The following VWA8 variants were observed in gnomAD, a reference collection of about 807,000 sequenced individuals.
VWA8 encodes von Willebrand factor A domain-containing protein 8.
A neutral mutation model predicts 241.5 loss-of-function variants in VWA8; 221 were observed. That is an observed-to-expected ratio of 0.91 (90% CI 0.82 to 1.02). The LOEUF (loss-of-function observed/expected upper bound fraction) is 1.02, where lower values mean the gene tolerates loss of function less well. VWA8 is among the 50% of genes least tolerant of loss of function. The pLI is 0.00. For synonymous variants in VWA8, 852 were observed against 827.1 expected (o/e 1.03, Z -0.52); for missense variants, 2,322 against 2,328.7 (o/e 1.00, Z 0.06).
At chr13:41,701,612 A>C in intron 27 of VWA8, 82 bp from the exon 28 acceptor site, 5 of 1,314,750 alleles carry the variant, frequency 3.8e-6, no homozygotes, top group Middle Eastern at 2.5e-4. Context: ...CAAAATATAA[A>C]CTTTAACATT....
At chr13:41,735,471 G>A (rs1209898395) in intron 21 of VWA8, among the ~76,000 whole-genome samples, 1 of 152,172 alleles carries the variant, frequency 6.6e-6, no homozygotes, top group African/African-American at 2.4e-5. Flanking sequence ...GCACAAATCA[G>A]ATGATTTCCA....
At chr13:41,659,705 A>G (rs2044935584) in intron 37 of VWA8, among the ~76,000 whole-genome samples, 1 of 152,218 alleles carries the variant, frequency 6.6e-6, no homozygotes, top group Non-Finnish European at 1.5e-5. Context: ...AAATACAGAA[A>G]TACTTAAGTA....
chr13:41,690,672 A>T (rs2045170551), intron 32 of VWA8, among the ~76,000 whole-genome samples: 1 of 152,124 alleles, frequency 6.6e-6, no homozygotes, highest in Admixed American at 6.6e-5. Flanking sequence ...AGTCTCCTTG[A>T]TCTACTTATT....
chr13:41,633,707 A>G (rs890874179), intron 37 of VWA8, among the ~76,000 whole-genome samples: 1 of 152,206 alleles, frequency 6.6e-6, no homozygotes, highest in African/African-American at 2.4e-5. Context: ...TACATTATAT[A>G]TCACTGATAC....
intron 34 of VWA8, among the ~76,000 whole-genome samples, chr13:41,685,482 C>T (rs970607360): frequency 1.4e-4 from 21 of 152,060 alleles, no homozygotes; most frequent in African/African-American, 4.3e-4. Context: ...ATAGTGAAAC[C>T]CCGTCCCTAT....
chr13:41,868,287 G>T, intron 10 of VWA8, 59 bp downstream of exon 10: 2 of 1,596,420 alleles, frequency 1.3e-6, no homozygotes, highest in Non-Finnish European at 1.7e-6. Flanking sequence ...CCCAATTTAG[G>T]TCATAAAAAC....
intron 37 of VWA8, among the ~76,000 whole-genome samples, chr13:41,647,794 A>G (rs1450122408): frequency 6.6e-6 from 1 of 152,174 alleles, no homozygotes; most frequent in Non-Finnish European, 1.5e-5. Flanking sequence ...GTTTGAGACC[A>G]GATTGGCCAA....
At chr13:41,926,862 G>T (rs1455918713) in intron 2 of VWA8, 7 of 577,482 alleles carry the variant, frequency 1.2e-5, no homozygotes, top group Admixed American at 9.5e-5. Context: ...TGATATCTGT[G>T]TGGCAAAAGC....
chr13:41,590,036 A>C (rs1477714119), intron 41 of VWA8, among the ~76,000 whole-genome samples: 1 of 151,840 alleles, frequency 6.6e-6, no homozygotes, highest in African/African-American at 2.4e-5. Context: ...GAGAACCTTC[A>C]GAGGGCGAAG....
chr13:41,843,606 A>G (rs1452057475), intron 12 of VWA8, among the ~76,000 whole-genome samples: 1 of 152,128 alleles, frequency 6.6e-6, no homozygotes, highest in East Asian at 1.9e-4. Context: ...CGAAATTAAT[A>G]AAAAAAGGGA....
intron 2 of VWA8, among the ~76,000 whole-genome samples, chr13:41,935,322 C>G (rs977008768): frequency 6.6e-6 from 1 of 152,038 alleles, no homozygotes; most frequent in Non-Finnish European, 1.5e-5. Flanking sequence ...ATATTTATGA[C>G]AATGACAACC....
At position 41,685,030 on chromosome 13, in the gene VWA8, G is replaced by T; in HGVS notation, c.4327+17C>A. 6.2e-7 allele frequency: 1 copy of T among 1,603,538 alleles called. No homozygotes were observed. The highest frequency in any genetic ancestry group is 8.5e-7 in the Non-Finnish European group (1 of 1,175,154). ...AAACCACCTTTGTAAATTAGGAATT[G>T]GTGAGTTCCTTCTTACCTTTTGGGT... On this transcript the variant is annotated intron_variant, in intron 35 of 44. Transcript: ENST00000379310.
chr13:41,805,564 A>C (rs1870150517), intron 17 of VWA8, among the ~76,000 whole-genome samples: 1 of 152,174 alleles, frequency 6.6e-6, no homozygotes, highest in African/African-American at 2.4e-5. Flanking sequence ...CTGTAATCCC[A>C]GCACTTTGGG....
intron 35 of VWA8, among the ~76,000 whole-genome samples, chr13:41,683,952 T>C (rs1418331754): frequency 6.6e-6 from 1 of 152,180 alleles, no homozygotes; most frequent in Non-Finnish European, 1.5e-5. Flanking sequence ...GCCAAGTCCT[T>C]GCATCTTTCA....
intron 40 of VWA8, among the ~76,000 whole-genome samples, chr13:41,597,488 T>C (rs1387860260): frequency 6.6e-6 from 1 of 152,122 alleles, no homozygotes; most frequent in East Asian, 1.9e-4. Flanking sequence ...TCATGTTTCT[T>C]GAAGTAATAT....
intron 12 of VWA8, among the ~76,000 whole-genome samples, chr13:41,843,781 T>C (rs1408115425): frequency 2.0e-5 from 3 of 152,104 alleles, no homozygotes; most frequent in Admixed American, 1.3e-4. Context: ...CTCCCAAGAC[T>C]GAATTGGGAA....
intron 1 of VWA8, among the ~76,000 whole-genome samples, chr13:41,955,176 T>C (rs1566051339): frequency 6.6e-6 from 1 of 152,210 alleles, no homozygotes; most frequent in Non-Finnish European, 1.5e-5. Flanking sequence ...CTATAATGAT[T>C]TAAGTGAGGT....
intron 37 of VWA8, among the ~76,000 whole-genome samples, chr13:41,663,828 T>C (rs548436184): frequency 2.6e-5 from 4 of 151,740 alleles, no homozygotes; most frequent in South Asian, 4.2e-4. Flanking sequence ...TACTTTACGA[T>C]GTAGAAAAAT....
At position 41,811,277 on chromosome 13, in the gene VWA8, G is replaced by A. The variant is rs774887056; in HGVS notation, c.2011C>T (p.Gln671Ter). 5.0e-6 allele frequency: 8 copies of A among 1,611,198 alleles called. No individual in the cohort carries two copies. Among genetic ancestry groups the A allele is most frequent in the Non-Finnish European group, 5.9e-6 (7 of 1,177,900 alleles). ...CTGTGAAGATTTTCATTAGGATACT[G>A]TGACAGCCGACGAGAAATTCGCAAC... is the stretch of plus-strand genomic sequence containing the variant. The part of the protein sequence containing the change: ...QLLRISRRLS[Q>*]YPNENLHSAV... The change falls in exon 17 of 45, where the codon CAG becomes TAG. Residue 671 changes from glutamine (Q) to a stop codon, truncating the protein, a stop_gained. Coordinates refer to ENST00000379310, the MANE Select transcript of VWA8 (RefSeq NM_015058.2). LOFTEE classifies it high-confidence loss of function.
Sources: allele counts gnomAD v4.1 joint callset (sites outside exome capture counted in the v4.1 genomes callset), GRCh38; gene constraint gnomAD v4.1.1; transcripts MANE v1.5; gene names NCBI Gene and HGNC (gene_info 2026-07-23, HGNC 2026-07-21).